DLC1: variants seen among roughly 807,000 people sequenced by gnomAD.
DLC1 encodes the protein DLC1 Rho GTPase activating protein, also known as rho GTPase-activating protein 7.
A neutral mutation model predicts 140.3 loss-of-function variants in DLC1; 54 were observed. That is an observed-to-expected ratio of 0.38 (90% CI 0.31 to 0.48). The LOEUF (loss-of-function observed/expected upper bound fraction) is 0.48, where lower values mean the gene tolerates loss of function less well. Ranked by LOEUF, DLC1 falls within the 20% of genes least tolerant of loss-of-function variation. The pLI, the probability that DLC1 is intolerant of heterozygous loss-of-function variation, is 0.96. For missense variants in DLC1, 2,536 were observed against 1,907.0 expected (o/e 1.33, Z -6.14); for synonymous variants, 986 against 728.1 (o/e 1.35, Z -5.70).
intron 4 of DLC1, among the ~76,000 whole-genome samples, chr8:13,382,358 T>A (rs1836306151): frequency 6.7e-6 from 1 of 149,918 alleles, no homozygotes; most frequent in Non-Finnish European, 1.5e-5. Flanking sequence ...ATACAAAAAA[T>A]TAGCCGGGCG....
chr8:13,592,376 G>T (rs971345273), intron 1 of DLC1, among the ~76,000 whole-genome samples: 1 of 151,608 alleles, frequency 6.6e-6, no homozygotes. Context: ...TTTTATATTT[G>T]TCTTTTATTT....
intron 1 of DLC1, among the ~76,000 whole-genome samples, chr8:13,511,323 C>CG (rs1802354416): frequency 6.7e-6 from 1 of 150,068 alleles, no homozygotes; most frequent in African/African-American, 2.4e-5. Context: ...TATCTTTCAC[C>CG]TTTTTTTTTG....
chr8:13,132,662 C>A (rs575987938), intron 5 of DLC1, among the ~76,000 whole-genome samples: 1 of 152,156 alleles, frequency 6.6e-6, no homozygotes, highest in African/African-American at 2.4e-5. Flanking sequence ...CTTCCCTTCA[C>A]GGGTTGCGAC....
Position 13,393,833 on chromosome 8 carries a change from A to T in DLC1, c.1174-140T>A, listed in dbSNP as rs114440494. 7.3e-6 allele frequency: 7 copies of T among 954,022 alleles called. No homozygotes were observed. In the East Asian group the frequency reaches 1.5e-4, roughly 20 times the overall value. The allele number at this position is 954,022 out of a possible 1,614,324, so 59.1% of individuals were successfully genotyped here. ...AAAGAGTTGCTGACAACTGACAGTG[A>T]CGTGTCACACATAATCATGCATTAT... On this transcript the variant is annotated intron_variant, in intron 3 of 17. Transcript: ENST00000276297.
At chr8:13,240,407 G>A (rs750574015) in intron 5 of DLC1, among the ~76,000 whole-genome samples, 2 of 152,078 alleles carry the variant, frequency 1.3e-5, no homozygotes, top group African/African-American at 4.8e-5. Flanking sequence ...ACCATCACTC[G>A]ACTAATATAC....
chr8:13,228,119 T>G (rs1828877895), intron 5 of DLC1, among the ~76,000 whole-genome samples: 1 of 152,322 alleles, frequency 6.6e-6, no homozygotes, highest in East Asian at 1.9e-4. Flanking sequence ...GAATAATTAT[T>G]GTTGGAACAA....
chr8:13,354,113 C>A (rs1834812306), intron 4 of DLC1, among the ~76,000 whole-genome samples: 1 of 151,814 alleles, frequency 6.6e-6, no homozygotes. Flanking sequence ...GTTTACCCTG[C>A]CCCATGTCTT....
intron 4 of DLC1, among the ~76,000 whole-genome samples, chr8:13,376,325 G>A (rs1275545387): frequency 6.6e-6 from 1 of 152,130 alleles, no homozygotes; most frequent in Non-Finnish European, 1.5e-5. Context: ...AGTCCAAACG[G>A]GAAGCATTTG....
chr8:13,214,773 C>T (rs781312051), intron 5 of DLC1: 4 of 780,626 alleles, frequency 5.1e-6, no homozygotes, highest in Admixed American at 3.4e-5. Flanking sequence ...CTGATTTTAC[C>T]GCTGCTGGGT....
chr8:13,539,488 C>T (rs994392574), intron 1 of DLC1, among the ~76,000 whole-genome samples: 4 of 152,130 alleles, frequency 2.6e-5, no homozygotes, highest in African/African-American at 9.7e-5. Context: ...GCGTGAGCCA[C>T]TGCACCCGCC....
chr8:13,552,258 C>T (rs1285660981), intron 1 of DLC1, among the ~76,000 whole-genome samples: 1 of 147,170 alleles, frequency 6.8e-6, no homozygotes, highest in Non-Finnish European at 1.5e-5. Context: ...TACCTGTCTA[C>T]ATATATACCT....
chr8:13,348,090 A>AAAACAAAC (rs141062541), intron 4 of DLC1, among the ~76,000 whole-genome samples: 2,295 of 106,790 alleles, frequency 0.021, 16 homozygotes, highest in South Asian at 0.039. Flanking sequence ...CTCCATCTCA[A>AAAACAAAC]AAACAAACAA....
At chr8:13,372,242 G>A (rs1835763504) in intron 4 of DLC1, among the ~76,000 whole-genome samples, 1 of 152,086 alleles carries the variant, frequency 6.6e-6, no homozygotes, top group Non-Finnish European at 1.5e-5. Context: ...TTTATATAGA[G>A]GTTATTCTAA....
At chr8:13,414,787 C>A (rs1025343018) in intron 2 of DLC1, among the ~76,000 whole-genome samples, 1 of 151,914 alleles carries the variant, frequency 6.6e-6, no homozygotes, top group Non-Finnish European at 1.5e-5. Flanking sequence ...TTATTTGACA[C>A]GATGTTATCA....
chr8:13,325,592 A>C (rs1390129614), intron 4 of DLC1, among the ~76,000 whole-genome samples: 30 of 152,206 alleles, frequency 2.0e-4, no homozygotes, highest in Admixed American at 2.0e-3. Flanking sequence ...CATGCTGTCC[A>C]AGAACAAGTC....
chr8:13,490,590 G>T (rs1349764613), intron 2 of DLC1, among the ~76,000 whole-genome samples: 2 of 152,188 alleles, frequency 1.3e-5, no homozygotes, highest in South Asian at 4.1e-4. Flanking sequence ...GCATTTCTTC[G>T]AGGGAGGCAG....
chr8:13,207,225 C>A (rs1005245222), intron 5 of DLC1, among the ~76,000 whole-genome samples: 15 of 151,930 alleles, frequency 9.9e-5, no homozygotes, highest in African/African-American at 3.6e-4. Flanking sequence ...TTTCAAATTA[C>A]GTATTCAAAA....
At chr8:13,243,510 G>A (rs1443708020) in intron 5 of DLC1, among the ~76,000 whole-genome samples, 1 of 152,060 alleles carries the variant, frequency 6.6e-6, no homozygotes, top group Non-Finnish European at 1.5e-5. Flanking sequence ...AGCCATGTGA[G>A]AAAAATTAGA....
intron 2 of DLC1, among the ~76,000 whole-genome samples, chr8:13,465,680 T>C (rs1042796544): frequency 6.6e-6 from 1 of 152,194 alleles, no homozygotes; most frequent in African/African-American, 2.4e-5. Flanking sequence ...CATTTTATTT[T>C]AAAAAATTAT....
Sources: gnomAD v4.1 joint callset for allele counts (sites outside exome capture counted in the v4.1 genomes callset) on GRCh38, gnomAD v4.1.1 for gene constraint, MANE v1.5 for transcripts, NCBI Gene and HGNC (gene_info 2026-07-23, HGNC 2026-07-21) for gene names.